The following SLC35F3 variants were observed in gnomAD, a reference collection of about 807,000 sequenced individuals.
The protein encoded by SLC35F3 is putative thiamine transporter SLC35F3.
SLC35F3 carries 25 observed loss-of-function variants against 49.9 expected under a neutral mutation model. The ratio of observed to expected loss-of-function variants is 0.50; its 90% CI spans 0.37 to 0.70. The LOEUF (loss-of-function observed/expected upper bound fraction) is 0.70. Among genes scored for constraint, SLC35F3 ranks in the 30% least tolerant of loss-of-function variants. SLC35F3 has a pLI of 0.00. For missense variants in SLC35F3, 525 were observed against 639.8 expected (o/e 0.82, Z 1.94); for synonymous variants, 275 against 265.4 (o/e 1.04, Z -0.35).
At chr1:234,202,369 G>A (rs951543365) in intron 2 of SLC35F3, among the ~76,000 whole-genome samples, 2 of 152,084 alleles carry the variant, frequency 1.3e-5, no homozygotes, top group African/African-American at 4.8e-5. Flanking sequence ...GAGACAAGGG[G>A]GAAGTCTTGA....
At chr1:234,303,372 T>TC (rs1261624197) in intron 3 of SLC35F3, among the ~76,000 whole-genome samples, 1 of 152,236 alleles carries the variant, frequency 6.6e-6, no homozygotes, top group African/African-American at 2.4e-5. Context: ...GAGAATCTCC[T>TC]CCAGGAGCCT....
chr1:234,109,963 C>T (rs1288252142), intron 2 of SLC35F3, among the ~76,000 whole-genome samples: 2 of 152,160 alleles, frequency 1.3e-5, no homozygotes, highest in African/African-American at 4.8e-5. Context: ...AGAACAGCAA[C>T]TAGCTCTGGT....
intron 2 of SLC35F3, among the ~76,000 whole-genome samples, chr1:233,930,679 A>G (rs1655293714): frequency 6.6e-6 from 1 of 152,230 alleles, no homozygotes; most frequent in Non-Finnish European, 1.5e-5. Context: ...CTGATAGCAT[A>G]AACAGTCAAT....
intron 3 of SLC35F3, among the ~76,000 whole-genome samples, chr1:234,277,932 G>T (rs1453529040): frequency 6.6e-6 from 1 of 152,236 alleles, no homozygotes; most frequent in East Asian, 1.9e-4. Context: ...GGTGGCTCAC[G>T]CCTGTAATCT....
intron 2 of SLC35F3, among the ~76,000 whole-genome samples, chr1:234,153,481 A>T (rs1666104381): frequency 1.3e-5 from 2 of 152,196 alleles, no homozygotes; most frequent in Admixed American, 1.3e-4. Flanking sequence ...ATGGGGGAAG[A>T]ACAAGGAAAG....
rs536692686 is a variant in SLC35F3 at position 234,232,519 on chromosome 1, CAA to C, written c.608+798_608+799del. Among the ~76,000 whole-genome samples the C allele has an allele frequency of 3.9e-3, 282 of 72,344 alleles. 1 individual carries two copies. The highest frequency in any genetic ancestry group is 0.01 in the South Asian group (18 of 1,760). The allele number at this position is 72,344 out of a possible 152,430, so 47.5% of individuals were successfully genotyped here. Reference sequence around the variant, plus strand: ...ATGGGCGTCCCAAATCAGGCCTAGTCAAAAAAAAAAAAAAAAAAAAAGAAAAA... The same window carrying C: ...ATGGGCGTCCCAAATCAGGCCTAGTCAAAAAAAAAAAAAAAAAAAGAAAAA... On this transcript the variant is annotated intron_variant, in intron 3 of 7. Transcript: ENST00000366618.
At chr1:234,200,106 C>T (rs562201371) in intron 2 of SLC35F3, among the ~76,000 whole-genome samples, 1 of 152,280 alleles carries the variant, frequency 6.6e-6, no homozygotes, top group Admixed American at 6.5e-5. Context: ...ATAGAACTAC[C>T]ATATGATCCA....
At chr1:234,317,208 AAAT>A (rs1451400735) in intron 5 of SLC35F3, among the ~76,000 whole-genome samples, 1 of 152,250 alleles carries the variant, frequency 6.6e-6, no homozygotes, top group East Asian at 1.9e-4. Context: ...AAGGCTAAAT[AAAT>A]AAAAGTACAA....
At chr1:233,921,258 A>G (rs1380785086) in intron 2 of SLC35F3, among the ~76,000 whole-genome samples, 1 of 152,206 alleles carries the variant, frequency 6.6e-6, no homozygotes, top group Non-Finnish European at 1.5e-5. Context: ...TTAAGTTCAT[A>G]CCAAAATTGA....
intron 2 of SLC35F3, among the ~76,000 whole-genome samples, chr1:234,074,017 C>A (rs1664759941): frequency 6.6e-6 from 1 of 152,114 alleles, no homozygotes; most frequent in African/African-American, 2.4e-5. Flanking sequence ...TTGAGTGTGG[C>A]AAAATTCTCC....
intron 2 of SLC35F3, among the ~76,000 whole-genome samples, chr1:233,989,099 C>T (rs1362984512): frequency 6.6e-6 from 1 of 152,170 alleles, no homozygotes; most frequent in Non-Finnish European, 1.5e-5. Context: ...TCACAGATTA[C>T]ACATAGTGCC....
chr1:234,001,980 T>C (rs77549189), intron 2 of SLC35F3, among the ~76,000 whole-genome samples: 10,121 of 152,282 alleles, frequency 0.066, 584 homozygotes, highest in East Asian at 0.26. Flanking sequence ...GTGTGTTTGC[T>C]CCAATAGCTG....
rs1434487137 is a variant in SLC35F3, at chr1:234,046,127, CA to C, written c.283+140370del. Among the ~76,000 whole-genome samples, 1 of 152,076 alleles carries C rather than the reference CA, an allele frequency of 6.6e-6. No individual in the cohort carries two copies. The highest frequency in any genetic ancestry group is 2.4e-5 in the African/African-American group (1 of 41,426). The stretch of plus-strand genomic sequence containing the variant: ...TATAGGTTTCTTTGTGCATGTATAA[CA>C]GAGTTTCTCCAGAGTGTGTACAGCA... On this transcript the variant is annotated intron_variant, in intron 2 of 7. Transcript: ENST00000366618. This position sits in a 1 kb window ranked among gnomAD's most constrained non-coding sequence, Gnocchi z 4.4.
chr1:234,248,800 T>A (rs561598), intron 3 of SLC35F3, among the ~76,000 whole-genome samples: 121,689 of 152,176 alleles, frequency 0.8, 49,002 homozygotes, highest in African/African-American at 0.89. Context: ...ACTCTGTTCC[T>A]TGTTGCCACT....
intron 2 of SLC35F3, among the ~76,000 whole-genome samples, chr1:233,929,991 G>C (rs1263218185): frequency 6.6e-6 from 1 of 152,020 alleles, no homozygotes; most frequent in South Asian, 2.1e-4. Flanking sequence ...CAGAAATAGA[G>C]GAATTTTAAG....
At chr1:234,095,688 A>C (rs2102879392) in intron 2 of SLC35F3, among the ~76,000 whole-genome samples, 1 of 152,332 alleles carries the variant, frequency 6.6e-6, no homozygotes, top group South Asian at 2.1e-4. Context: ...TGACTCGGGC[A>C]TCCCAGGAGT....
At chr1:234,181,338 G>GAAA (rs34757532) in intron 2 of SLC35F3, among the ~76,000 whole-genome samples, 991 of 96,920 alleles carry the variant, frequency 0.01, no homozygotes, top group Non-Finnish European at 0.015. Context: ...TCTGTCTCAA[G>GAAA]AAAAAAAAAA....
chr1:234,277,589 G>T (rs1479250520), intron 3 of SLC35F3, among the ~76,000 whole-genome samples: 1 of 152,144 alleles, frequency 6.6e-6, no homozygotes, highest in Non-Finnish European at 1.5e-5. Context: ...TTGTGTTCTA[G>T]CCCAAAGTCT....
chr1:234,105,077 G>A (rs1038419495), intron 2 of SLC35F3, among the ~76,000 whole-genome samples: 4 of 149,006 alleles, frequency 2.7e-5, no homozygotes, highest in South Asian at 2.1e-4. Flanking sequence ...GCAGTCAGCC[G>A]AGATCGTGCC....
Sources: gnomAD v4.1 joint callset for allele counts (sites outside exome capture counted in the v4.1 genomes callset) on GRCh38, gnomAD v4.1.1 for gene constraint, Gnocchi (gnomAD v3.1) non-coding constraint, MANE v1.5 for transcripts, NCBI Gene and HGNC (gene_info 2026-07-23, HGNC 2026-07-21) for gene names.